NT5DC4: variants seen among roughly 807,000 people sequenced by gnomAD.
NT5DC4 encodes 5'-nucleotidase domain-containing protein 4.
In NT5DC4, 44 loss-of-function variants were observed where a neutral mutation model predicts 26.6. That is an observed-to-expected ratio of 1.65 (90% CI 1.30 to 2.13). NT5DC4 has a LOEUF of 2.13. Among genes scored for constraint, NT5DC4 ranks in the 30% most tolerant of loss-of-function variants. The probability of loss-of-function intolerance (pLI) is 0.00; values close to 1 mark genes in which losing one functional copy is unlikely to be tolerated. For missense variants in NT5DC4, 399 were observed against 228.1 expected (o/e 1.75, Z -4.83); for synonymous variants, 157 against 86.7 (o/e 1.81, Z -4.51).
intron 10 of NT5DC4, 128 bp downstream of exon 10, chr2:112,724,254 A>G: frequency 1.4e-6 from 1 of 692,176 alleles, no homozygotes; most frequent in Non-Finnish European, 2.7e-6. Flanking sequence ...TGAGTGTGTG[A>G]GTGGTCATTT....
Position 112,724,179 on chromosome 2 carries a change from G to A in NT5DC4, c.789+53G>A, listed in dbSNP as rs976701388. 5 of 716,272 alleles carry A rather than the reference G, an allele frequency of 7.0e-6. No individual in the cohort carries two copies. In the African/African-American group the frequency reaches 8.7e-5, roughly 13 times the overall value. The allele number at this position is 716,272 out of a possible 1,614,324, so 44.4% of individuals were successfully genotyped here. On this transcript the variant is annotated intron_variant, in intron 10 of 16. Coordinates refer to ENST00000688554, the MANE Select transcript of NT5DC4 (RefSeq NM_001393655.1). ...CTGGGGTGGGCTGTGCAAAGGGCCA[G>A]GGTGCCAGGCTGCACCACGATGCTG...
In NT5DC4 at chr2:112,722,047, C is replaced by A; in HGVS notation, c.210C>A (p.Cys70Ter). Residue 70 changes from cysteine (C) to a stop codon, truncating the protein, a stop_gained, in exon 3 of 17, where the codon TGC becomes TGA. Transcript: ENST00000688554. LOFTEE classifies it high-confidence loss of function. ...TFELLLERLV[C>*]IGYPHEILRY... ...AGCTGCTGCTGGAGCGCCTGGTGTGCATTGGGTACCCGCATGAGATCCTGC... is the reference window on the plus strand; with the variant it reads ...AGCTGCTGCTGGAGCGCCTGGTGTGAATTGGGTACCCGCATGAGATCCTGC... 1 of 717,226 alleles carries A rather than the reference C, an allele frequency of 1.4e-6. No individual in the cohort carries two copies. The highest frequency in any genetic ancestry group is 2.6e-6 in the Non-Finnish European group (1 of 385,086). The allele number at this position is 717,226 out of a possible 1,614,324, so 44.4% of individuals were successfully genotyped here. A position where few individuals can be genotyped will look rare whatever the true frequency, so the allele number is the denominator to read the frequency against.
At chr2:112,729,966 C>T (rs116495336) in intron 16 of NT5DC4, among the ~76,000 whole-genome samples, 1 of 152,104 alleles carries the variant, frequency 6.6e-6, no homozygotes, top group African/African-American at 2.4e-5. Context: ...ATAATTGTAT[C>T]GATGAATTTC....
At chr2:112,726,385 G>T in intron 14 of NT5DC4, 96 bp downstream of exon 14, 1 of 704,498 alleles carries the variant, frequency 1.4e-6, no homozygotes, top group South Asian at 1.5e-5. Context: ...TCCCGGCCAA[G>T]GTTGTCAGAA....
At chr2:112,741,940 G>GTTTCTTT (rs1476978182), downstream of NT5DC4, among the ~76,000 whole-genome samples, 1 of 71,900 alleles carries the variant, frequency 1.4e-5, no homozygotes, top group Non-Finnish European at 2.5e-5. Context: ...TTTCTTTTCT[G>GTTTCTTT]TTTTTTTTTT....
chr2:112,726,243 T>A lies in NT5DC4; in HGVS notation c.1159T>A (p.Leu387Met), dbSNP rs760872089. The A allele has an allele frequency of 9.2e-5, 66 of 716,594 alleles. No homozygotes were observed. The highest frequency in any genetic ancestry group is 1.8e-4 in the Admixed American group (9 of 49,912). The allele number at this position is 716,594 out of a possible 1,614,324, so 44.4% of individuals were successfully genotyped here. A position where few individuals can be genotyped will look rare whatever the true frequency, so the allele number is the denominator to read the frequency against. ...GACCCCTGGTGGCTTTTCAGAGCGG[T>A]TGGAGGAGCTGAAGAGACTGGACAC... ...LDIWAQEKER[L>M]EELKRLDTHL... Residue 387 changes from leucine to methionine, a missense_variant, in exon 14 of 17, where the codon TTG becomes ATG. Physicochemically the swap from Leu to Met is conservative, Grantham distance 15. Coordinates refer to ENST00000688554, the MANE Select transcript of NT5DC4 (RefSeq NM_001393655.1).
intron 16 of NT5DC4, among the ~76,000 whole-genome samples, chr2:112,734,698 C>CT (rs979495325): frequency 6.6e-6 from 1 of 152,016 alleles, no homozygotes; most frequent in Admixed American, 6.6e-5. Context: ...AATTGGGGTG[C>CT]TTTTTTTGTG....
chr2:112,723,256 A>G (rs1309718490), intron 7 of NT5DC4, 82 bp downstream of exon 7: 1 of 714,734 alleles, frequency 1.4e-6, no homozygotes, highest in African/African-American at 1.8e-5. Context: ...TCCAGTCCCC[A>G]TAGCGTTTCC....
chr2:112,719,974 C>T (rs56218524), upstream of NT5DC4, among the ~76,000 whole-genome samples: 12,900 of 79,434 alleles, frequency 0.16, 1,143 homozygotes, highest in East Asian at 0.36. Flanking sequence ...TTCTTTCTTT[C>T]TTTCTTTCTT....
chr2:112,735,495 TTTC>T (rs1336477675), intron 16 of NT5DC4, among the ~76,000 whole-genome samples: 46 of 59,024 alleles, frequency 7.8e-4, no homozygotes, highest in East Asian at 6.0e-3. Context: ...CCCCCCTTTT[TTTC>T]TTTCTTTAAA....
At chr2:112,723,935 C>T in intron 9 of NT5DC4, 133 bp downstream of exon 9, 1 of 691,078 alleles carries the variant, frequency 1.4e-6, no homozygotes, top group East Asian at 2.7e-5. Context: ...GGCTGGTCTC[C>T]TGGACTCCAT....
downstream of NT5DC4, among the ~76,000 whole-genome samples, chr2:112,739,492 A>T (rs1448032454): frequency 6.6e-6 from 1 of 152,180 alleles, no homozygotes; most frequent in Non-Finnish European, 1.5e-5. Flanking sequence ...TGGTGTAAGC[A>T]TAAGGATTTA....
chr2:112,734,289 C>T (rs1191949406), intron 16 of NT5DC4, among the ~76,000 whole-genome samples: 1 of 151,010 alleles, frequency 6.6e-6, no homozygotes, highest in East Asian at 2.0e-4. Context: ...GTTCATATAA[C>T]TAAAAAGTCC....
chr2:112,738,563 T>A (rs569182320), intron 16 of NT5DC4: 1 of 447,526 alleles, frequency 2.2e-6, no homozygotes, highest in Non-Finnish European at 4.0e-6. Context: ...TATAAATATT[T>A]ATCATAGTTG....
Position 112,722,717 on chromosome 2 carries a change from C to A in NT5DC4, c.473C>A (p.Thr158Asn), listed in dbSNP as rs1479236828. The A allele has an allele frequency of 4.2e-6, 3 of 717,562 alleles. No homozygotes were observed. Among genetic ancestry groups the A allele is most frequent in the African/African-American group, 1.7e-5 (1 of 57,240 alleles). 44.4% of individuals were successfully genotyped at this position (717,562 alleles called of 1,614,324 possible). The change falls in exon 6 of 17, where the codon ACC becomes AAC. Residue 158 changes from threonine to asparagine, a missense_variant. Physicochemically the swap from Thr to Asn is moderately conservative, Grantham distance 65. Transcript: ENST00000688554. ...ILNMLFNLPE[T>N]YLYACLVDFF... ...TGACCATCCTGTCTGCCCCCAGAAA[C>A]CTACCTCTATGCCTGCTTGGTGGAC...
intron 16 of NT5DC4, among the ~76,000 whole-genome samples, chr2:112,730,106 A>G (rs1188873693): frequency 2.0e-5 from 3 of 152,076 alleles, no homozygotes; most frequent in Non-Finnish European, 2.9e-5. Context: ...TGAGGGCAGG[A>G]GGTCGAGACC....
chr2:112,741,440 C>T (rs910223565), downstream of NT5DC4, among the ~76,000 whole-genome samples: 1 of 152,180 alleles, frequency 6.6e-6, no homozygotes, highest in African/African-American at 2.4e-5. Context: ...ATGGTTACTG[C>T]CTTGGACAGT....
At chr2:112,739,807 A>G (rs1679751922), downstream of NT5DC4, among the ~76,000 whole-genome samples, 1 of 152,152 alleles carries the variant, frequency 6.6e-6, no homozygotes, top group South Asian at 2.1e-4. Context: ...AACGTATGCC[A>G]GCATGCCTGG....
At chr2:112,720,261 T>C (rs951995783), upstream of NT5DC4, among the ~76,000 whole-genome samples, 3 of 151,564 alleles carry the variant, frequency 2.0e-5, no homozygotes, top group African/African-American at 7.3e-5. Context: ...GAGACAGGGT[T>C]TCACCATCTT....
Sources: allele counts gnomAD v4.1 joint callset (sites outside exome capture counted in the v4.1 genomes callset), GRCh38; gene constraint gnomAD v4.1.1; transcripts MANE v1.5; gene names NCBI Gene and HGNC (gene_info 2026-07-23, HGNC 2026-07-21).